CSPG4: variants seen among roughly 807,000 people sequenced by gnomAD.
CSPG4 encodes the protein chondroitin sulfate proteoglycan 4.
Under a neutral mutation model 139.3 loss-of-function variants are expected in CSPG4, and 74 were observed. The ratio of observed to expected loss-of-function variants is 0.53; its 90% CI spans 0.44 to 0.64. The LOEUF is 0.64. Ranked by LOEUF, CSPG4 falls within the 30% of genes least tolerant of loss-of-function variation. CSPG4 has a pLI of 0.00. For missense variants in CSPG4, 2,565 were observed against 3,148.3 expected, an observed-to-expected ratio of 0.81 and a Z score of 4.43; for synonymous variants, 1,234 against 1,394.2, an observed-to-expected ratio of 0.89 and a Z score of 2.56.
chr15:75,677,954 T>C, intron 8 of CSPG4, 68 bp from the exon 9 acceptor site: 1 of 1,459,422 alleles, frequency 6.9e-7, no homozygotes, highest in Non-Finnish European at 9.2e-7. Context: ...TGAGCACTTT[T>C]GTCTCCTCAG....
chr15:75,699,712 G>A (rs1441312638), intron 1 of CSPG4, among the ~76,000 whole-genome samples: 1 of 152,238 alleles, frequency 6.6e-6, no homozygotes, highest in East Asian at 1.9e-4. Flanking sequence ...CGGGAGGGCT[G>A]GGCCGGGGGA....
At position 75,698,165 on chromosome 15, in the gene CSPG4, G is replaced by A. The variant is rs903478401; in HGVS notation, c.89-4932C>T. 1.3e-5 allele frequency among the ~76,000 whole-genome samples: 2 copies of A among 152,160 alleles called. No individual in the cohort carries two copies. Among genetic ancestry groups the A allele is most frequent in the East Asian group, 1.9e-4 (1 of 5,180 alleles). On this transcript the variant is annotated intron_variant, in intron 1 of 9. Coordinates refer to ENST00000308508, the MANE Select transcript of CSPG4 (RefSeq NM_001897.5). This position sits in a 1 kb window ranked among gnomAD's most constrained non-coding sequence, Gnocchi z 4.3. ...GACGAAGCCAGACTTCTCCATCACC[G>A]CCCCTCGGGGTTTGGCACCACGGCG... is the stretch of plus-strand genomic sequence containing the variant.
At position 75,674,796 on chromosome 15, in the gene CSPG4, C is replaced by T. The variant is rs1242674152; in HGVS notation, c.*754G>A. On this transcript the variant is annotated 3_prime_UTR_variant, in exon 10 of 10. Coordinates refer to ENST00000308508, the MANE Select transcript of CSPG4 (RefSeq NM_001897.5). ...TGACACATGCATGTTTAGCCCTTGG[C>T]CCATCAAGATGGGGCCCTGGGAATG... is the stretch of plus-strand genomic sequence containing the variant. The T allele has an allele frequency of 2.0e-5, 8 of 398,602 alleles. No individual in the cohort carries two copies. The highest frequency in any genetic ancestry group is 4.1e-5 in the African/African-American group (2 of 48,606). 24.7% of individuals were successfully genotyped at this position (398,602 alleles called of 1,614,324 possible).
rs757461641 is a variant in CSPG4 at position 75,676,909 on chromosome 15, G to A, written c.5610C>T (p.Tyr1870=). ...CGTTGTGGGGTGCCCGCTGGACCTCGTACTCAATCTCCCCAGGAGCTGAGT... is the reference window on the plus strand; with the variant it reads ...CGTTGTGGGGTGCCCGCTGGACCTCATACTCAATCTCCCCAGGAGCTGAGT... ...DPDSAPGEIE[Y]EVQRAPHNGF... is the part of the protein sequence containing the mutation. Residue 1870 remains tyrosine, a synonymous_variant, in exon 10 of 10, where the codon TAC becomes TAT. Coordinates refer to ENST00000308508, the MANE Select transcript of CSPG4 (RefSeq NM_001897.5). 2.1e-5 allele frequency: 33 copies of A among 1,574,464 alleles called. No individual in the cohort carries two copies. Among genetic ancestry groups the A allele is most frequent in the Middle Eastern group, 2.0e-4 (1 of 5,106 alleles).
rs779735538 is a variant in CSPG4 at position 75,676,320 on chromosome 15, C to A, written c.6199G>T (p.Val2067Phe). ...TTGGCCAGCTCGCCAGCATCTAGGA[C>A]GGTGGGGTCCAGGCGCAGGGTGGCA... is the stretch of plus-strand genomic sequence containing the variant. Reference protein sequence around the residue: ...QGATLRLDPTVLDAGELANRT... With the variant: ...QGATLRLDPTFLDAGELANRT... The change falls in exon 10 of 10, where the codon GTC (valine) becomes TTC (phenylalanine). Residue 2067 changes from valine to phenylalanine, a missense_variant. This residue lies in a region of CSPG4 where 2,316 missense variants were observed against 2,818.2 expected (regional missense o/e 0.82). Coordinates refer to ENST00000308508, the MANE Select transcript of CSPG4 (RefSeq NM_001897.5). 6.2e-7 allele frequency: 1 copy of A among 1,610,370 alleles called. No homozygotes were observed. The highest frequency in any genetic ancestry group is 1.1e-5 in the South Asian group (1 of 90,972).
At chr15:75,682,155 G>A (rs1944204525) in intron 8 of CSPG4, 138 bp downstream of exon 8, 10 of 1,125,748 alleles carry the variant, frequency 8.9e-6, no homozygotes, top group Admixed American at 3.6e-5. Flanking sequence ...GGACACTAGC[G>A]CCTGGACAAT....
chr15:75,683,972 C>T (rs989867457), intron 5 of CSPG4, among the ~76,000 whole-genome samples: 3 of 152,264 alleles, frequency 2.0e-5, no homozygotes, highest in East Asian at 1.9e-4. Flanking sequence ...CACTCTTTGG[C>T]GGCTTCCGCA....
At position 75,698,379 on chromosome 15, in the gene CSPG4, G is replaced by A. The variant is rs1024808579; in HGVS notation, c.89-5146C>T. On this transcript the variant is annotated intron_variant, in intron 1 of 9. Transcript: ENST00000308508. This position sits in a 1 kb window ranked among gnomAD's most constrained non-coding sequence, Gnocchi z 4.3. The stretch of plus-strand genomic sequence containing the variant: ...TGAATGCCGGCTCTGTGAGAGCATG[G>A]ACGGGCCAGGTGTGCTTCCCCAGCA... 1.3e-5 allele frequency among the ~76,000 whole-genome samples: 2 copies of A among 151,988 alleles called. No homozygotes were observed. Among genetic ancestry groups the A allele is most frequent in the African/African-American group, 4.8e-5 (2 of 41,336 alleles).
chr15:75,676,118 GCCCTC>G lies in CSPG4; in HGVS notation c.6396_6400del (p.Arg2133ProfsTer6). The stretch of plus-strand genomic sequence containing the variant: ...GAGACTGTCACCTGCGGGGCCGGGG[GCCCTC>G]CCCTCTGGCCTGCCCACCTCCAGCC... On this transcript the variant is annotated frameshift_variant, in exon 10 of 10. Transcript: ENST00000308508. LOFTEE classifies it high-confidence loss of function. 1 of 1,537,032 alleles carries G rather than the reference GCCCTC, an allele frequency of 6.5e-7. No homozygotes were observed.
intron 8 of CSPG4, among the ~76,000 whole-genome samples, chr15:75,682,071 C>A (rs1010092041): frequency 2.0e-5 from 3 of 152,254 alleles, no homozygotes; most frequent in Non-Finnish European, 4.4e-5. Context: ...CCTGTATCCC[C>A]GACTTTCTGC....
At position 75,696,673 on chromosome 15, in the gene CSPG4, T is replaced by A. The variant is rs993227738; in HGVS notation, c.89-3440A>T. ...TCCTGCCCCTCCTGCTCAGCGCCCATAGAGAGGTTTGCTAAAGGTGGGTAC... is the reference window on the plus strand; with the variant it reads ...TCCTGCCCCTCCTGCTCAGCGCCCAAAGAGAGGTTTGCTAAAGGTGGGTAC... On this transcript the variant is annotated intron_variant, in intron 1 of 9. Coordinates refer to ENST00000308508, the MANE Select transcript of CSPG4 (RefSeq NM_001897.5). This position sits in a 1 kb window ranked among gnomAD's most constrained non-coding sequence, Gnocchi z 4.2. Among the ~76,000 whole-genome samples, 11 of 152,076 alleles carry A rather than the reference T, an allele frequency of 7.2e-5. No individual in the cohort carries two copies. The South Asian group carries it at 1.2e-3, about 17-fold the overall frequency.
intron 1 of CSPG4, among the ~76,000 whole-genome samples, chr15:75,700,428 T>C (rs1031092322): frequency 1.3e-5 from 2 of 152,018 alleles, no homozygotes; most frequent in African/African-American, 4.8e-5. Context: ...CTGCTCTCCT[T>C]GGGCGGTTTG....
chr15:75,677,994 C>T, intron 8 of CSPG4, 108 bp from the exon 9 acceptor site: 2 of 1,024,734 alleles, frequency 2.0e-6, no homozygotes, highest in Non-Finnish European at 1.4e-6. Context: ...TGGGTGTGCC[C>T]AGGTCTGTGC....
chr15:75,684,952 C>T (rs1438303429), intron 4 of CSPG4, 40 bp from the exon 5 acceptor site: 2 of 1,579,510 alleles, frequency 1.3e-6, no homozygotes, highest in Non-Finnish European at 1.7e-6. Context: ...GCCCCAGCAG[C>T]ACCCTTCATG....
At position 75,684,811 on chromosome 15, in the gene CSPG4, A is replaced by T. The variant is rs373258741; in HGVS notation, c.4374T>A (p.His1458Gln). 2.4e-5 allele frequency: 39 copies of T among 1,613,452 alleles called. No individual in the cohort carries two copies. Among genetic ancestry groups the T allele is most frequent in the Non-Finnish European group, 3.3e-5 (39 of 1,179,868 alleles). Reference sequence around the variant, plus strand: ...GGACAGTGACAGTGAAGGCCACAGGATGGCTCTGGCGATCCATCTCGGAGG... The same window carrying T: ...GGACAGTGACAGTGAAGGCCACAGGTTGGCTCTGGCGATCCATCTCGGAGG... The part of the protein sequence containing the change: ...ANASEMDRQS[H>Q]PVAFTVTVLP... The change falls in exon 5 of 10, where the codon CAT (histidine) becomes CAA (glutamine). Residue 1458 changes from histidine to glutamine, a missense_variant. By Grantham distance (24) the His-to-Gln change is conservative. This residue lies in a region of CSPG4 where 2,316 missense variants were observed against 2,818.2 expected (regional missense o/e 0.82). Transcript: ENST00000308508.
At position 75,676,960 on chromosome 15, in the gene CSPG4, C is replaced by T; in HGVS notation, c.5559G>A (p.Arg1853=). The change falls in exon 10 of 10, where the codon CGG becomes CGA. Residue 1853 remains arginine (R), a synonymous_variant. Coordinates refer to ENST00000308508, the MANE Select transcript of CSPG4 (RefSeq NM_001897.5). The part of the protein sequence containing the change: ...LTRGSRAPIS[R]AQLSVVDPDS... Reference sequence around the variant, plus strand: ...CTGGGTCCACCACACTCAGCTGGGCCCGGGAGATGGGGGCACGAGAGCCTC... The same window carrying T: ...CTGGGTCCACCACACTCAGCTGGGCTCGGGAGATGGGGGCACGAGAGCCTC... 1 of 1,508,382 alleles carries T rather than the reference C, an allele frequency of 6.6e-7. No individual in the cohort carries two copies. Among genetic ancestry groups the T allele is most frequent in the Non-Finnish European group, 8.9e-7 (1 of 1,123,288 alleles). The allele number at this position is 1,508,382 out of a possible 1,614,324, so 93.4% of individuals were successfully genotyped here. A position where few individuals can be genotyped will look rare whatever the true frequency, so the allele number is the denominator to read the frequency against.
rs894820695 is a variant in CSPG4, at chr15:75,693,127, G to A, written c.195C>T (p.Leu65=). The change falls in exon 2 of 10, where the codon CTC becomes CTT. Residue 65 remains leucine (L), a synonymous_variant. Coordinates refer to ENST00000308508, the MANE Select transcript of CSPG4 (RefSeq NM_001897.5). ...GGTGGTCAGCTGGGCCTGCTGCCAG[G>A]AGAAGGAGGGCTTCGGGCTGGGACG... The part of the protein sequence containing the change: ...FSTSQPEALL[L]LAAGPADHLL... The A allele has an allele frequency of 1.9e-6, 3 of 1,576,352 alleles. No individual in the cohort carries two copies. Among genetic ancestry groups the A allele is most frequent in the Non-Finnish European group, 2.6e-6 (3 of 1,159,298 alleles).
In CSPG4 at chr15:75,676,855, C is replaced by G. The variant is rs781650073; in HGVS notation, c.5664G>C (p.Leu1888=). The G allele has an allele frequency of 6.3e-7, 1 of 1,576,856 alleles. No homozygotes were observed. The highest frequency in any genetic ancestry group is 1.1e-5 in the South Asian group (1 of 87,586). The change falls in exon 10 of 10, where the codon CTG becomes CTC. Residue 1888 remains leucine (L), a synonymous_variant. Transcript: ENST00000308508. ...CTTGCGTGAAGCGGGTCACGGGCCC[C>G]AGGCCACCACCCACCAGGCTGAGGA... ...NGFLSLVGGG[L]GPVTRFTQAD...
chr15:75,687,944 C>T lies in CSPG4; in HGVS notation c.3121G>A (p.Asp1041Asn), dbSNP rs751093047. 9 of 1,612,804 alleles carry T rather than the reference C, an allele frequency of 5.6e-6. No individual in the cohort carries two copies. The highest frequency in any genetic ancestry group is 2.2e-5 in the East Asian group (1 of 44,900). Residue 1041 changes from aspartate to asparagine, a missense_variant, in exon 3 of 10, where the codon GAC (aspartate) becomes AAC (asparagine). Transcript: ENST00000308508. The surrounding 1 kb of genome is among the most constrained non-coding windows in gnomAD (Gnocchi z 5.4). ...GAGTCAGCATCGCTGAAGGCCACGTCGTCTGTAGTCAGCAGCCGCCGCCCA... is the reference window on the plus strand; with the variant it reads ...GAGTCAGCATCGCTGAAGGCCACGTTGTCTGTAGTCAGCAGCCGCCGCCCA... ...RGGRRLLTTDDVAFSDADSGF... is the reference protein window; with the variant it reads ...RGGRRLLTTDNVAFSDADSGF...
Sources: allele counts gnomAD v4.1 joint callset (sites outside exome capture counted in the v4.1 genomes callset), GRCh38; gene constraint gnomAD v4.1.1; regional missense constraint gnomAD v4.1.1; non-coding constraint Gnocchi (gnomAD v3.1); transcripts MANE v1.5; gene names NCBI Gene and HGNC (gene_info 2026-07-23, HGNC 2026-07-21).